The following EML4 variants were observed in gnomAD, a reference collection of about 807,000 sequenced individuals.
The protein encoded by EML4 is echinoderm microtubule-associated protein-like 4.
EML4 carries 72 observed loss-of-function variants against 129.0 expected under a neutral mutation model. The observed-to-expected ratio is 0.56, with a 90% CI of 0.46 to 0.68. EML4 has a LOEUF of 0.68. Ranked by LOEUF, EML4 falls within the 30% of genes least tolerant of loss-of-function variation. The probability of loss-of-function intolerance (pLI) is 0.00; values close to 1 mark genes in which losing one functional copy is unlikely to be tolerated. For synonymous variants in EML4, 532 were observed against 405.0 expected, an observed-to-expected ratio of 1.31 and a Z score of -3.77; for missense variants, 1,363 against 1,190.6, an observed-to-expected ratio of 1.14 and a Z score of -2.13.
chr2:42,312,733 T>G (rs1482346636), intron 17 of EML4, among the ~76,000 whole-genome samples: 4 of 151,080 alleles, frequency 2.6e-5, no homozygotes, highest in Admixed American at 1.3e-4. Context: ...TTTTGTATTT[T>G]TACTAGAGAT....
intron 1 of EML4, among the ~76,000 whole-genome samples, chr2:42,190,856 G>T (rs1439059831): frequency 6.6e-6 from 1 of 152,118 alleles, no homozygotes; most frequent in Admixed American, 6.5e-5. Flanking sequence ...TGAACTTAAG[G>T]TAACTTTCAC....
At chr2:42,263,695 G>A (rs1248154514) in intron 5 of EML4, among the ~76,000 whole-genome samples, 4 of 151,312 alleles carry the variant, frequency 2.6e-5, no homozygotes, top group Non-Finnish European at 5.9e-5. Flanking sequence ...GAGCCACCAC[G>A]CCTGGCCTTG....
At chr2:42,322,059 T>A (rs998260303) in intron 19 of EML4, among the ~76,000 whole-genome samples, 1 of 152,212 alleles carries the variant, frequency 6.6e-6, no homozygotes, top group Non-Finnish European at 1.5e-5. Flanking sequence ...TCATCTGAAA[T>A]TTTCCACGTA....
In EML4 at chr2:42,256,673, G is replaced by A. The variant is rs371841677; in HGVS notation, c.338+43G>A. 2.5e-6 allele frequency: 4 copies of A among 1,607,752 alleles called. No homozygotes were observed. The African/African-American group carries it at 4.0e-5, about 16-fold the overall frequency. On this transcript the variant is annotated intron_variant, in intron 3 of 22. Coordinates refer to ENST00000318522, the MANE Select transcript of EML4 (RefSeq NM_019063.5). Reference sequence around the variant, plus strand: ...GGGGAAAAACTAACATTGCAGAATTGTCTGAATGTGGTAGAGATCTCCCTT... The same window carrying A: ...GGGGAAAAACTAACATTGCAGAATTATCTGAATGTGGTAGAGATCTCCCTT...
In EML4 at chr2:42,274,994, A is replaced by G. The variant is rs138213312; in HGVS notation, c.668-5856A>G. Reference sequence around the variant, plus strand: ...GCTGTTGGGATTCAGAGCTCAAGCTAGTACTATTTGGATTAAAAGGAAGCT... The same window carrying G: ...GCTGTTGGGATTCAGAGCTCAAGCTGGTACTATTTGGATTAAAAGGAAGCT... On this transcript the variant is annotated intron_variant, in intron 6 of 22. Coordinates refer to ENST00000318522, the MANE Select transcript of EML4 (RefSeq NM_019063.5). Among the ~76,000 whole-genome samples, 416 of 152,296 alleles carry G rather than the reference A, an allele frequency of 2.7e-3. 2 individuals are homozygous for G. The highest frequency in any genetic ancestry group is 9.8e-3 in the African/African-American group (406 of 41,568).
chr2:42,206,580 G>C (rs1337946105), intron 1 of EML4, among the ~76,000 whole-genome samples: 1 of 152,102 alleles, frequency 6.6e-6, no homozygotes, highest in Non-Finnish European at 1.5e-5. Flanking sequence ...GAACTGAACT[G>C]TTCGTGAGCC....
At chr2:42,264,009 G>C (rs1029169847) in intron 5 of EML4, among the ~76,000 whole-genome samples, 3 of 152,060 alleles carry the variant, frequency 2.0e-5, no homozygotes, top group Non-Finnish European at 4.4e-5. Flanking sequence ...GATTACAGGC[G>C]TGAGCCACCG....
Position 42,330,085 on chromosome 2 carries a change from A to G in EML4, c.2824A>G (p.Ser942Gly). The G allele has an allele frequency of 2.5e-6, 4 of 1,612,952 alleles. No individual in the cohort carries two copies. Among genetic ancestry groups the G allele is most frequent in the Non-Finnish European group, 3.4e-6 (4 of 1,179,818 alleles). Residue 942 changes from serine to glycine, a missense_variant, in exon 23 of 23, where the codon AGT becomes GGT. Transcript: ENST00000318522. ...EPSEDHSEEE[S>G]EEGSGDLGEP... ...AAGTGAAGACCACAGCGAGGAGGAG[A>G]GTGAAGAGGGCAGCGGAGACCTTGG... is the stretch of plus-strand genomic sequence containing the variant.
intron 11 of EML4, among the ~76,000 whole-genome samples, chr2:42,293,271 C>T (rs1042689880): frequency 6.6e-6 from 1 of 151,902 alleles, no homozygotes; most frequent in African/African-American, 2.4e-5. Flanking sequence ...GCCACGCCGG[C>T]TAATTTACTT....
chr2:42,248,147 T>C (rs1008128252), intron 2 of EML4, among the ~76,000 whole-genome samples: 4 of 152,070 alleles, frequency 2.6e-5, no homozygotes, highest in African/African-American at 9.7e-5. Flanking sequence ...TAAAACCTTT[T>C]CTTTTTTTTG....
intron 1 of EML4, among the ~76,000 whole-genome samples, chr2:42,216,884 T>G (rs757909732): frequency 1.3e-5 from 2 of 152,138 alleles, no homozygotes; most frequent in Non-Finnish European, 2.9e-5. Context: ...ACTCACACCC[T>G]TAAGTAAGAG....
chr2:42,197,733 G>A (rs188304031), intron 1 of EML4, among the ~76,000 whole-genome samples: 27 of 152,260 alleles, frequency 1.8e-4, no homozygotes, highest in African/African-American at 5.8e-4. Flanking sequence ...ACCAGTAAAC[G>A]TGTAGCAAAA....
intron 5 of EML4, 53 bp from the exon 6 acceptor site, chr2:42,264,653 G>T: frequency 4.0e-6 from 4 of 1,007,454 alleles, no homozygotes; most frequent in South Asian, 1.4e-5. Flanking sequence ...TGATTTTAAT[G>T]GTTAGCCATA....
At chr2:42,220,956 G>A (rs1366172503) in intron 1 of EML4, among the ~76,000 whole-genome samples, 1 of 152,208 alleles carries the variant, frequency 6.6e-6, no homozygotes, top group African/African-American at 2.4e-5. Context: ...GCTGAGAGAC[G>A]TGAGGAAGCT....
At chr2:42,306,007 A>G (rs1399232012) in intron 17 of EML4, among the ~76,000 whole-genome samples, 1 of 152,238 alleles carries the variant, frequency 6.6e-6, no homozygotes, top group Non-Finnish European at 1.5e-5. Flanking sequence ...ATGGAAAAAT[A>G]GGTCTTTAAA....
intron 1 of EML4, among the ~76,000 whole-genome samples, chr2:42,218,250 G>A (rs1400982691): frequency 1.3e-5 from 2 of 151,962 alleles, no homozygotes; most frequent in Non-Finnish European, 2.9e-5. Flanking sequence ...CTCCTTATGA[G>A]AATCTAATGC....
intron 1 of EML4, among the ~76,000 whole-genome samples, chr2:42,223,307 C>T (rs1398256953): frequency 1.3e-5 from 2 of 152,058 alleles, no homozygotes; most frequent in African/African-American, 4.8e-5. Context: ...TGTAGCAGTT[C>T]ACAAATGCAC....
rs748699036 is a variant in EML4 at position 42,329,851 on chromosome 2, C to G, written c.2590C>G (p.Leu864Val). The G allele has an allele frequency of 2.5e-6, 4 of 1,614,114 alleles. No individual in the cohort carries two copies. Among genetic ancestry groups the G allele is most frequent in the East Asian group, 2.2e-5 (1 of 44,896 alleles). Residue 864 changes from leucine to valine, a missense_variant, in exon 23 of 23, where the codon CTT becomes GTT. Leu to Val is a conservative substitution (Grantham distance 32, BLOSUM62 1). Transcript: ENST00000318522. ...GKDMSIIQWK[L>V]VEKLSLPQNE... ...AGACATGAGCATCATTCAGTGGAAA[C>G]TTGTGGAAAAGTTATCTTTGCCTCA...
chr2:42,171,918 G>T (rs1022621212), intron 1 of EML4, among the ~76,000 whole-genome samples: 1 of 152,192 alleles, frequency 6.6e-6, no homozygotes, highest in Admixed American at 6.5e-5. Context: ...GCGGAGCTTT[G>T]CTCAGCTCTT....
Sources: allele counts gnomAD v4.1 joint callset (sites outside exome capture counted in the v4.1 genomes callset), GRCh38; gene constraint gnomAD v4.1.1; transcripts MANE v1.5; gene names NCBI Gene and HGNC (gene_info 2026-07-23, HGNC 2026-07-21).